HIBCH: variants seen among roughly 807,000 people sequenced by gnomAD.
HIBCH encodes the protein 3-hydroxyisobutyryl-CoA hydrolase, also known as 3-hydroxyisobutyryl-CoA hydrolase, mitochondrial.
A neutral mutation model predicts 58.2 loss-of-function variants in HIBCH; 50 were observed. The observed-to-expected ratio is 0.86, with a 90% CI of 0.68 to 1.09. The LOEUF (loss-of-function observed/expected upper bound fraction) is 1.09. Among genes scored for constraint, HIBCH ranks in the 50% least tolerant of loss-of-function variants. The pLI, the probability that HIBCH is intolerant of heterozygous loss-of-function variation, is 0.00. For synonymous variants in HIBCH, 151 were observed against 146.9 expected (o/e 1.03, Z -0.20); for missense variants, 450 against 449.7 (o/e 1.00, Z -0.01).
At chr2:190,241,719 T>C (rs755220686) in intron 11 of HIBCH, among the ~76,000 whole-genome samples, 13 of 152,248 alleles carry the variant, frequency 8.5e-5, no homozygotes, top group Non-Finnish European at 5.9e-5. Flanking sequence ...CCTTCACTTA[T>C]GAAGCTTAGT....
intron 3 of HIBCH, among the ~76,000 whole-genome samples, chr2:190,295,018 C>G (rs1688067878): frequency 6.6e-6 from 1 of 152,130 alleles, no homozygotes; most frequent in South Asian, 2.1e-4. Context: ...ATAAATATAG[C>G]AATAACCTTT....
intron 11 of HIBCH, among the ~76,000 whole-genome samples, chr2:190,227,115 T>C (rs1396916863): frequency 2.0e-5 from 3 of 152,022 alleles, no homozygotes; most frequent in African/African-American, 7.2e-5. Context: ...GAGCCCACAT[T>C]GCCAAGTCAA....
At chr2:190,241,427 A>C (rs1365212072) in intron 11 of HIBCH, among the ~76,000 whole-genome samples, 3 of 152,164 alleles carry the variant, frequency 2.0e-5, no homozygotes, top group Admixed American at 6.5e-5. Flanking sequence ...CCAATTTGCT[A>C]GTCTGTGTCT....
Position 190,304,978 on chromosome 2 carries a change from CTAA to C in HIBCH, c.78+5773_78+5775del, listed in dbSNP as rs1387045181. On this transcript the variant is annotated intron_variant, in intron 2 of 13. Coordinates refer to ENST00000359678, the MANE Select transcript of HIBCH (RefSeq NM_014362.4). The surrounding 1 kb of genome is among the most constrained non-coding windows in gnomAD (Gnocchi z 4.1). ...TCCTGGGTTCTAGCCTTAAGTCTCT[CTAA>C]CTGTGTGGTCTTGTGTAATCTTTAT... Among the ~76,000 whole-genome samples, 6 of 14,412 alleles carry C rather than the reference CTAA, an allele frequency of 4.2e-4. No homozygotes were observed. The highest frequency in any genetic ancestry group is 1.4e-3 in the Non-Finnish European group (6 of 4,346). 9.5% of individuals were successfully genotyped at this position (14,412 alleles called of 152,430 possible).
At chr2:190,317,544 A>G (rs1688735016) in intron 1 of HIBCH, among the ~76,000 whole-genome samples, 1 of 152,234 alleles carries the variant, frequency 6.6e-6, no homozygotes, top group African/African-American at 2.4e-5. Context: ...TTGCATAAGC[A>G]GAAGGGCACC....
rs1690582844 is a variant in HIBCH at position 190,214,325 on chromosome 2, CA to C, written c.892-1251del. 2 of 152,246 alleles carry C rather than the reference CA, an allele frequency of 1.3e-5. No homozygotes were observed. Among genetic ancestry groups the C allele is most frequent in the Non-Finnish European group, 2.9e-5 (2 of 68,146 alleles). The allele number at this position is 152,246 out of a possible 1,614,324, so 9.4% of individuals were successfully genotyped here. A position where few individuals can be genotyped will look rare whatever the true frequency, so the allele number is the denominator to read the frequency against. On this transcript the variant is annotated intron_variant, in intron 11 of 13. Coordinates refer to ENST00000359678, the MANE Select transcript of HIBCH (RefSeq NM_014362.4). This position sits in a 1 kb window ranked among gnomAD's most constrained non-coding sequence, Gnocchi z 5.5. ...AACCTCCAGTAAGGGGGGCTGAGTACACAGCAAAAACCTGACACAGAGACTA... is the reference window on the plus strand; with the variant it reads ...AACCTCCAGTAAGGGGGGCTGAGTACCAGCAAAAACCTGACACAGAGACTA...
chr2:190,272,925 T>C (rs1687442991), intron 6 of HIBCH, among the ~76,000 whole-genome samples: 1 of 151,950 alleles, frequency 6.6e-6, no homozygotes, highest in African/African-American at 2.4e-5. Flanking sequence ...AAAATACAAT[T>C]AAACAGACCA....
At chr2:190,256,908 G>A (rs187274592) in intron 7 of HIBCH, among the ~76,000 whole-genome samples, 1 of 152,080 alleles carries the variant, frequency 6.6e-6, no homozygotes, top group Admixed American at 6.5e-5. Context: ...TAAGGACACA[G>A]GAACAGAAAC....
intron 6 of HIBCH, among the ~76,000 whole-genome samples, chr2:190,270,743 T>C (rs1386835522): frequency 6.6e-6 from 1 of 152,210 alleles, no homozygotes; most frequent in East Asian, 1.9e-4. Flanking sequence ...TCTTAATGTA[T>C]CTCTGGGACC....
At chr2:190,255,828 GGA>G (rs56688526) in intron 7 of HIBCH, among the ~76,000 whole-genome samples, 156 of 149,588 alleles carry the variant, frequency 1.0e-3, no homozygotes, top group African/African-American at 1.6e-3. Context: ...GCTTAGGAAT[GGA>G]GAGAGAGAGA....
intron 6 of HIBCH, among the ~76,000 whole-genome samples, chr2:190,285,284 T>C (rs1020386466): frequency 1.1e-4 from 16 of 152,368 alleles, no homozygotes; most frequent in African/African-American, 3.8e-4. Context: ...CATTTATTTT[T>C]ACATGCTGTT....
At chr2:190,239,363 C>A (rs113468597) in intron 11 of HIBCH, among the ~76,000 whole-genome samples, 4,047 of 152,232 alleles carry the variant, frequency 0.027, 93 homozygotes, top group East Asian at 0.13. Flanking sequence ...GTTTTGGTTA[C>A]TCTAGCCTTG....
intron 7 of HIBCH, among the ~76,000 whole-genome samples, chr2:190,258,790 T>C (rs1197839748): frequency 1.3e-5 from 2 of 152,238 alleles, no homozygotes; most frequent in Non-Finnish European, 2.9e-5. Context: ...GAGGTTTTTT[T>C]CTAAAATATA....
rs1260348421 is a variant in HIBCH, at chr2:190,236,819, G to A, written c.891+8068C>T. Among the ~76,000 whole-genome samples, 1 of 152,110 alleles carries A rather than the reference G, an allele frequency of 6.6e-6. No individual in the cohort carries two copies. Among genetic ancestry groups the A allele is most frequent in the Non-Finnish European group, 1.5e-5 (1 of 68,008 alleles). On this transcript the variant is annotated intron_variant, in intron 11 of 13. Coordinates refer to ENST00000359678, the MANE Select transcript of HIBCH (RefSeq NM_014362.4). The surrounding 1 kb of genome is among the most constrained non-coding windows in gnomAD (Gnocchi z 4.1). The stretch of plus-strand genomic sequence containing the variant: ...GAAAAGATACTATCTAAAGATACAA[G>A]TACTACTATTTTATGTTTCCTAAAT...
chr2:190,285,087 T>G (rs1575748694), intron 6 of HIBCH, among the ~76,000 whole-genome samples: 1 of 152,218 alleles, frequency 6.6e-6, no homozygotes, highest in East Asian at 1.9e-4. Context: ...CACAGATACT[T>G]CACTATCTGT....
At chr2:190,190,789 A>G (rs564788303) in intron 1 of HIBCH, among the ~76,000 whole-genome samples, 1 of 152,304 alleles carries the variant, frequency 6.6e-6, no homozygotes, top group Non-Finnish European at 1.5e-5. Context: ...AATTTTTAAC[A>G]TACAGTAAAG....
At chr2:190,300,178 C>T (rs1688224690) in intron 2 of HIBCH, among the ~76,000 whole-genome samples, 3 of 152,158 alleles carry the variant, frequency 2.0e-5, no homozygotes, top group Admixed American at 2.0e-4. Flanking sequence ...CTTAGGTATA[C>T]ACCCAGTAAT....
At position 190,236,518 on chromosome 2, in the gene HIBCH, CA is replaced by C. The variant is rs985409793; in HGVS notation, c.891+8368del. On this transcript the variant is annotated intron_variant, in intron 11 of 13. Transcript: ENST00000359678. This position sits in a 1 kb window ranked among gnomAD's most constrained non-coding sequence, Gnocchi z 4.1. ...TGTTCCGACTGACAATAAACCAATA[CA>C]AATACAAAATATTTAAAACAAGAAC... Among the ~76,000 whole-genome samples the C allele has an allele frequency of 6.6e-6, 1 of 152,114 alleles. No homozygotes were observed. Among genetic ancestry groups the C allele is most frequent in the African/African-American group, 2.4e-5 (1 of 41,446 alleles).
intron 8 of HIBCH, among the ~76,000 whole-genome samples, chr2:190,251,758 C>T (rs773446482): frequency 4.0e-5 from 6 of 150,820 alleles, no homozygotes; most frequent in Non-Finnish European, 8.8e-5. Context: ...AATGCAATTA[C>T]TTTCAATGCG....
Sources: allele counts gnomAD v4.1 joint callset (sites outside exome capture counted in the v4.1 genomes callset), GRCh38; gene constraint gnomAD v4.1.1; non-coding constraint Gnocchi (gnomAD v3.1); transcripts MANE v1.5; gene names NCBI Gene and HGNC (gene_info 2026-07-23, HGNC 2026-07-21).